TRMT9B: variants seen among roughly 807,000 people sequenced by gnomAD.
The protein encoded by TRMT9B is probable tRNA methyltransferase 9B.
A neutral mutation model predicts 11.5 loss-of-function variants in TRMT9B; 16 were observed. That is an observed-to-expected ratio of 1.39 (90% CI 0.94 to 2.11). TRMT9B has a LOEUF of 2.11. Ranked by LOEUF, TRMT9B falls within the 30% of genes most tolerant of loss-of-function variation. The pLI, the probability that TRMT9B is intolerant of heterozygous loss-of-function variation, is 0.00. For synonymous variants in TRMT9B, 274 were observed against 192.4 expected, an observed-to-expected ratio of 1.42 and a Z score of -3.51; for missense variants, 941 against 553.8, an observed-to-expected ratio of 1.70 and a Z score of -7.02.
chr8:12,976,685 C>T (rs13274036), intron 1 of TRMT9B, among the ~76,000 whole-genome samples: 43,477 of 152,004 alleles, frequency 0.29, 6,827 homozygotes, highest in Middle Eastern at 0.48. Flanking sequence ...GTAAAAGGCC[C>T]GTTCACAAAG....
intron 1 of TRMT9B, among the ~76,000 whole-genome samples, chr8:12,967,161 C>G (rs1046239968): frequency 3.0e-4 from 45 of 152,280 alleles, no homozygotes; most frequent in Non-Finnish European, 4.6e-4. Context: ...GGTAAGTCAT[C>G]TCCTGAATTT....
At chr8:13,004,679 G>A (rs924166456) in intron 2 of TRMT9B, among the ~76,000 whole-genome samples, 2 of 152,014 alleles carry the variant, frequency 1.3e-5, no homozygotes, top group Non-Finnish European at 2.9e-5. Flanking sequence ...CAAGTAATAC[G>A]CTGTGGGCCT....
At chr8:12,965,968 G>A (rs1288035528) in intron 1 of TRMT9B, among the ~76,000 whole-genome samples, 1 of 151,498 alleles carries the variant, frequency 6.6e-6, no homozygotes, top group Non-Finnish European at 1.5e-5. Context: ...AGCCAAGATA[G>A]TGCCACCGCA....
intron 1 of TRMT9B, chr8:12,960,134 C>G (rs902452547): frequency 6.6e-6 from 1 of 152,150 alleles, no homozygotes; most frequent in Admixed American, 6.6e-5. Flanking sequence ...GCCTCTGGGA[C>G]AAATAAGGAG....
intron 1 of TRMT9B, among the ~76,000 whole-genome samples, chr8:12,978,247 G>T (rs570500808): frequency 1.3e-5 from 2 of 152,284 alleles, no homozygotes; most frequent in Non-Finnish European, 2.9e-5. Flanking sequence ...TGGCTGACAG[G>T]AGAATGCAGG....
chr8:12,980,492 G>A (rs1029528317), intron 1 of TRMT9B, among the ~76,000 whole-genome samples: 1 of 152,212 alleles, frequency 6.6e-6, no homozygotes, highest in Non-Finnish European at 1.5e-5. Flanking sequence ...GGGACGGGGA[G>A]TGGGCAAAGC....
At position 13,021,379 on chromosome 8, in the gene TRMT9B, G is replaced by C; in HGVS notation, c.700G>C (p.Glu234Gln). The C allele has an allele frequency of 6.2e-7, 1 of 1,614,062 alleles. No individual in the cohort carries two copies. Among genetic ancestry groups the C allele is most frequent in the South Asian group, 1.1e-5 (1 of 91,082 alleles). ...TCFANISKEG[E>Q]EEYGFYSTLG... is the part of the protein sequence containing the mutation. ...TTTTGCAAATATTTCTAAGGAAGGC[G>C]AGGAAGAATATGGATTTTACAGCAC... is the stretch of plus-strand genomic sequence containing the variant. The change falls in exon 5 of 5, where the codon GAG (glutamate) becomes CAG (glutamine). Residue 234 changes from glutamate to glutamine, a missense_variant. Physicochemically the swap from Glu to Gln is conservative, Grantham distance 29 (BLOSUM62 2). Transcript: ENST00000524591.
At chr8:13,015,634 A>C (rs1019107111) in intron 4 of TRMT9B, among the ~76,000 whole-genome samples, 3 of 152,144 alleles carry the variant, frequency 2.0e-5, no homozygotes, top group African/African-American at 7.2e-5. Context: ...GATTACAGGC[A>C]TGAACTACCA....
chr8:12,984,950 A>AACACACAC (rs1489460640), intron 1 of TRMT9B, among the ~76,000 whole-genome samples: 292 of 112,358 alleles, frequency 2.6e-3, no homozygotes, highest in African/African-American at 9.3e-3. Context: ...CACCTCCCTC[A>AACACACAC]ACATACACAC....
intron 1 of TRMT9B, among the ~76,000 whole-genome samples, chr8:12,962,950 T>G (rs35034435): frequency 0.44 from 66,342 of 151,984 alleles, 15,009 homozygotes; most frequent in Middle Eastern, 0.6. Context: ...CTTGTCAACT[T>G]AATTGTCAAG....
chr8:12,993,406 CAG>C (rs1807730752), intron 2 of TRMT9B, among the ~76,000 whole-genome samples: 1 of 152,164 alleles, frequency 6.6e-6, no homozygotes, highest in Non-Finnish European at 1.5e-5. Context: ...GTGGTTTACG[CAG>C]TTACCTTTTA....
chr8:12,970,132 C>T (rs1803390562), intron 1 of TRMT9B: 1 of 152,164 alleles, frequency 6.6e-6, no homozygotes, highest in Admixed American at 6.5e-5. Context: ...AACACCAATA[C>T]CACCTGGTTT....
chr8:12,952,201 G>T (rs1476357543), intron 1 of TRMT9B: 1 of 452,736 alleles, frequency 2.2e-6, no homozygotes, highest in Non-Finnish European at 4.4e-6. Context: ...GGAAAGCGCC[G>T]GCGACCGGAG....
chr8:12,970,824 C>A (rs147162847), intron 1 of TRMT9B, among the ~76,000 whole-genome samples: 239 of 152,272 alleles, frequency 1.6e-3, no homozygotes, highest in African/African-American at 5.6e-3. Context: ...CAGGGTAACA[C>A]GTTTGGGAAC....
intron 1 of TRMT9B, among the ~76,000 whole-genome samples, chr8:12,974,271 G>A (rs949908573): frequency 2.6e-5 from 4 of 152,000 alleles, no homozygotes; most frequent in Admixed American, 1.3e-4. Flanking sequence ...TGAGTTGGGA[G>A]TGAAGGATGC....
intron 1 of TRMT9B, among the ~76,000 whole-genome samples, chr8:12,988,529 C>G (rs1389665887): frequency 6.6e-6 from 1 of 152,098 alleles, no homozygotes; most frequent in Non-Finnish European, 1.5e-5. Flanking sequence ...CCTCAGGAAA[C>G]TTACAATCAT....
intron 2 of TRMT9B, among the ~76,000 whole-genome samples, chr8:12,996,874 C>T (rs916243962): frequency 3.9e-5 from 6 of 152,254 alleles, no homozygotes; most frequent in Middle Eastern, 3.4e-3. Context: ...CCAGCTGCTA[C>T]CCCAGGCAGC....
At position 13,026,736 on chromosome 8, in the gene TRMT9B, T is replaced by A. The variant is rs1358456331; in HGVS notation, c.*4692T>A. 1 of 167,080 alleles carries A rather than the reference T, an allele frequency of 6.0e-6. No homozygotes were observed. Among genetic ancestry groups the A allele is most frequent in the Non-Finnish European group, 1.5e-5 (1 of 68,110 alleles). 10.3% of individuals were successfully genotyped at this position (167,080 alleles called of 1,614,324 possible). A position where few individuals can be genotyped will look rare whatever the true frequency, so the allele number is the denominator to read the frequency against. ...TCACACATTTAGTTAGAGGCAGAGC[T>A]GGGATTCAAACCCAGGTCTGGCTCC... On this transcript the variant is annotated 3_prime_UTR_variant, in exon 5 of 5. Coordinates refer to ENST00000524591, the MANE Select transcript of TRMT9B (RefSeq NM_020844.3).
Position 13,006,245 on chromosome 8 carries a change from A to G in TRMT9B, c.43A>G (p.Asn15Asp). ...AAQLEKQHVH[N>D]VYESTAPYFS... Reference sequence around the variant, plus strand: ...CCAGCTGGAGAAGCAGCATGTGCACAATGTGTACGAGAGCACAGCCCCTTA... The same window carrying G: ...CCAGCTGGAGAAGCAGCATGTGCACGATGTGTACGAGAGCACAGCCCCTTA... Residue 15 changes from asparagine to aspartate, a missense_variant, in exon 3 of 5, where the codon AAT becomes GAT. Physicochemically the swap from Asn to Asp is conservative, Grantham distance 23. Transcript: ENST00000524591. The G allele has an allele frequency of 6.2e-7, 1 of 1,613,998 alleles. No homozygotes were observed. The highest frequency in any genetic ancestry group is 8.5e-7 in the Non-Finnish European group (1 of 1,179,878).
Sources: allele counts gnomAD v4.1 joint callset (sites outside exome capture counted in the v4.1 genomes callset), GRCh38; gene constraint gnomAD v4.1.1; transcripts MANE v1.5; gene names NCBI Gene and HGNC (gene_info 2026-07-23, HGNC 2026-07-21).